CDH10: variants seen among roughly 807,000 people sequenced by gnomAD.
The protein encoded by CDH10 is cadherin-10.
CDH10 carries 30 observed loss-of-function variants against 73.1 expected under a neutral mutation model. The ratio of observed to expected loss-of-function variants is 0.41; its 90% CI spans 0.31 to 0.56. The LOEUF is 0.56. CDH10 is among the 20% of genes least tolerant of loss of function. The pLI is 0.27. For missense variants in CDH10, 815 were observed against 973.7 expected (o/e 0.84, Z 2.17); for synonymous variants, 345 against 348.2 (o/e 0.99, Z 0.10).
At position 24,572,543 on chromosome 5, in the gene CDH10, A is replaced by C. The variant is rs193204234; in HGVS notation, c.231+20717T>G. ...ATTAATATTAAATGCCCCTCCCCCC[A>C]AAAAAATCAACACTATCTTATTTAG... On this transcript the variant is annotated intron_variant, in intron 2 of 11. Coordinates refer to ENST00000264463, the MANE Select transcript of CDH10 (RefSeq NM_006727.5). Among the ~76,000 whole-genome samples, 764 of 152,142 alleles carry C rather than the reference A, an allele frequency of 5.0e-3. 8 individuals carry two copies. Among genetic ancestry groups the C allele is most frequent in the African/African-American group, 0.014 (597 of 41,494 alleles).
intron 10 of CDH10, 98 bp downstream of exon 10, chr5:24,492,719 T>A: frequency 6.3e-6 from 4 of 630,978 alleles, no homozygotes; most frequent in Non-Finnish European, 1.2e-5. Flanking sequence ...ATAACTCAGA[T>A]CAATAAATTG....
chr5:24,498,337 A>G (rs1010748136), intron 9 of CDH10, 61 bp downstream of exon 9: 85 of 1,163,498 alleles, frequency 7.3e-5, no homozygotes, highest in Non-Finnish European at 1.0e-4. Context: ...AGGATTTTGA[A>G]AAGAAAATAT....
intron 2 of CDH10, among the ~76,000 whole-genome samples, chr5:24,573,296 G>A (rs1745465316): frequency 6.6e-6 from 1 of 151,908 alleles, no homozygotes; most frequent in Admixed American, 6.6e-5. Context: ...ACAAGACGAA[G>A]AAATCAAGCA....
chr5:24,593,285 C>T lies in CDH10; in HGVS notation c.206G>A (p.Gly69Glu), dbSNP rs1488275036. 2 of 1,605,454 alleles carry T rather than the reference C, an allele frequency of 1.2e-6. No homozygotes were observed. The highest frequency in any genetic ancestry group is 1.7e-6 in the Non-Finnish European group (2 of 1,172,528). ...CTTGCCTACGTACTGATAATCAGAT[C>T]CTGTATATTCTTCAAGTAAGAAAAA... ...NQFFLLEEYT[G>E]SDYQYVGKLH... Residue 69 changes from glycine to glutamate, a missense_variant, in exon 2 of 12, where the codon GGA (glycine) becomes GAA (glutamate). By Grantham distance (98) the Gly-to-Glu change is moderately conservative (BLOSUM62 -2). Coordinates refer to ENST00000264463, the MANE Select transcript of CDH10 (RefSeq NM_006727.5).
chr5:24,625,238 C>A (rs1458612994), intron 1 of CDH10, among the ~76,000 whole-genome samples: 2 of 149,826 alleles, frequency 1.3e-5, no homozygotes, highest in Non-Finnish European at 3.0e-5. Context: ...TATACTGTTA[C>A]TACCACTTTT....
chr5:24,567,491 T>C (rs1042492076), intron 2 of CDH10, among the ~76,000 whole-genome samples: 5 of 151,732 alleles, frequency 3.3e-5, no homozygotes, highest in South Asian at 2.1e-4. Context: ...CTGATTAAAA[T>C]AATAGCATAC....
At position 24,501,245 on chromosome 5, in the gene CDH10, C is replaced by A. The variant is rs144824918; in HGVS notation, c.1394-2726G>T. On this transcript the variant is annotated intron_variant, in intron 8 of 11. Coordinates refer to ENST00000264463, the MANE Select transcript of CDH10 (RefSeq NM_006727.5). ...ACAAAACTTTCATAACTAAAAAATTCCGTCGTCAGCCCCTTCCCTAACACA... is the reference window on the plus strand; with the variant it reads ...ACAAAACTTTCATAACTAAAAAATTACGTCGTCAGCCCCTTCCCTAACACA... 3.4e-3 allele frequency among the ~76,000 whole-genome samples: 517 copies of A among 152,152 alleles called. 5 individuals carry two copies. The highest frequency in any genetic ancestry group is 0.012 in the African/African-American group (504 of 41,522).
At chr5:24,604,774 G>A (rs940725720) in intron 1 of CDH10, among the ~76,000 whole-genome samples, 17 of 151,776 alleles carry the variant, frequency 1.1e-4, no homozygotes, top group African/African-American at 4.1e-4. Context: ...TTGGGAGGCA[G>A]GGGCAGAAGA....
chr5:24,524,168 A>G (rs1196496438), intron 5 of CDH10, among the ~76,000 whole-genome samples: 1 of 152,158 alleles, frequency 6.6e-6, no homozygotes, highest in Non-Finnish European at 1.5e-5. Context: ...ATGCTCAGAA[A>G]TCATTTTTAG....
chr5:24,625,292 T>C (rs1322799341), intron 1 of CDH10, among the ~76,000 whole-genome samples: 1 of 151,988 alleles, frequency 6.6e-6, no homozygotes, highest in Non-Finnish European at 1.5e-5. Flanking sequence ...TTAGTTATAT[T>C]GGAAGTGCCT....
intron 1 of CDH10, among the ~76,000 whole-genome samples, chr5:24,626,475 C>T (rs1463959150): frequency 6.6e-6 from 1 of 152,044 alleles, no homozygotes; most frequent in Non-Finnish European, 1.5e-5. Flanking sequence ...AGAAGAGTTA[C>T]CCACGTTAAG....
chr5:24,565,572 T>A (rs1745137566), intron 2 of CDH10, among the ~76,000 whole-genome samples: 1 of 152,182 alleles, frequency 6.6e-6, no homozygotes, highest in Non-Finnish European at 1.5e-5. Flanking sequence ...ATGGACTAGA[T>A]GTTTTTGACC....
intron 1 of CDH10, among the ~76,000 whole-genome samples, chr5:24,619,192 A>G (rs898821268): frequency 6.6e-6 from 1 of 151,524 alleles, no homozygotes; most frequent in African/African-American, 2.4e-5. Flanking sequence ...TCTGATTTAG[A>G]TGATTTTTTT....
chr5:24,614,148 C>CT (rs1747051442), intron 1 of CDH10, among the ~76,000 whole-genome samples: 1 of 152,104 alleles, frequency 6.6e-6, no homozygotes, highest in South Asian at 2.1e-4. Context: ...ATAATGCAAT[C>CT]ATGATGGATC....
chr5:24,565,219 T>C (rs563320630), intron 2 of CDH10, among the ~76,000 whole-genome samples: 1 of 152,336 alleles, frequency 6.6e-6, no homozygotes, highest in South Asian at 2.1e-4. Context: ...AAATTGTCTT[T>C]ATTCAGACAA....
chr5:24,537,633 A>T lies in CDH10; in HGVS notation c.273T>A (p.Tyr91Ter), dbSNP rs776784563. Residue 91 changes from tyrosine to a stop codon, truncating the protein, a stop_gained, in exon 3 of 12, where the codon TAT becomes TAA. Transcript: ENST00000264463. LOFTEE classifies it high-confidence loss of function. The part of the protein sequence containing the change: ...DQDKGDGSLK[Y>*]ILSGDGAGTL... ...TACCAGCTCCATCTCCAGATAAGATATATTTGAGTGATCCATCTCCTTTAT... is the reference window on the plus strand; with the variant it reads ...TACCAGCTCCATCTCCAGATAAGATTTATTTGAGTGATCCATCTCCTTTAT... 6.2e-7 allele frequency: 1 copy of T among 1,604,452 alleles called. No homozygotes were observed. The highest frequency in any genetic ancestry group is 1.1e-5 in the South Asian group (1 of 90,868).
chr5:24,571,133 T>G (rs1304684852), intron 2 of CDH10, among the ~76,000 whole-genome samples: 1 of 152,146 alleles, frequency 6.6e-6, no homozygotes, highest in Non-Finnish European at 1.5e-5. Flanking sequence ...ACCAATATTT[T>G]CTTTTCATGG....
chr5:24,554,178 C>T (rs903651545), intron 2 of CDH10: 1 of 123,292 alleles, frequency 8.1e-6, no homozygotes, highest in African/African-American at 2.5e-5. Flanking sequence ...TACCATTTGA[C>T]TGCAACTTCG....
intron 2 of CDH10, among the ~76,000 whole-genome samples, chr5:24,538,070 A>G (rs554977239): frequency 1.3e-5 from 2 of 152,194 alleles, no homozygotes; most frequent in African/African-American, 4.8e-5. Context: ...GTGCAAAACA[A>G]AATCTGCTAT....
Sources: gnomAD v4.1 joint callset for allele counts (sites outside exome capture counted in the v4.1 genomes callset) on GRCh38, gnomAD v4.1.1 for gene constraint, MANE v1.5 for transcripts, NCBI Gene and HGNC (gene_info 2026-07-23, HGNC 2026-07-21) for gene names.